Variants in ZNF331 observed in about 807,000 individuals in gnomAD.
The protein encoded by ZNF331 is zinc finger protein 331.
A neutral mutation model predicts 7.0 loss-of-function variants in ZNF331; 2 were observed. The ratio of observed to expected loss-of-function variants is 0.29; its 90% CI spans 0.12 to 0.90. ZNF331 has a LOEUF of 0.90. Among genes scored for constraint, ZNF331 ranks in the 40% least tolerant of loss-of-function variants. The pLI is 0.58. For synonymous variants in ZNF331, 196 were observed against 205.4 expected, an observed-to-expected ratio of 0.95 and a Z score of 0.39; for missense variants, 432 against 587.7, an observed-to-expected ratio of 0.74 and a Z score of 2.74.
At chr19:53,522,240 C>G (rs1350188058) in intron 1 of ZNF331, among the ~76,000 whole-genome samples, 1 of 148,344 alleles carries the variant, frequency 6.7e-6, no homozygotes, top group Non-Finnish European at 1.5e-5. Context: ...ACAAGTGTGC[C>G]CTATTTTCTT....
At chr19:53,549,377 G>C (rs970177336) in intron 2 of ZNF331, among the ~76,000 whole-genome samples, 1 of 152,092 alleles carries the variant, frequency 6.6e-6, no homozygotes, top group African/African-American at 2.4e-5. Context: ...AAAGAAAGAC[G>C]GTTTACTGTA....
chr19:53,541,141 C>T (rs1458332588), intron 2 of ZNF331, among the ~76,000 whole-genome samples: 1 of 146,844 alleles, frequency 6.8e-6, no homozygotes, highest in Non-Finnish European at 1.5e-5. Flanking sequence ...GAGTTTCGCT[C>T]TTGTTGCCCA....
At chr19:53,540,799 T>C (rs11669946) in intron 2 of ZNF331, among the ~76,000 whole-genome samples, 121,538 of 151,666 alleles carry the variant, frequency 0.8, 49,286 homozygotes, top group African/African-American at 0.89. Context: ...ATGCCTTGGT[T>C]TGTGACCCCT....
rs748695336 is a variant in ZNF331 at position 53,577,259 on chromosome 19, C to T, written c.699C>T (p.His233=). 6.2e-7 allele frequency: 1 copy of T among 1,613,354 alleles called. No homozygotes were observed. The highest frequency in any genetic ancestry group is 2.2e-5 in the East Asian group (1 of 44,814). ...GGCGTGGTGATGAGCTCACTCAGCA[C>T]CAGAGATTCCACACTGGGGAGAAAG... ...AFRRGDELTQ[H]QRFHTGEKDY... is the part of the protein sequence containing the mutation. Residue 233 remains histidine (H), a synonymous_variant, in exon 6 of 6, where the codon CAC becomes CAT. Transcript: ENST00000449416.
intron 2 of ZNF331, among the ~76,000 whole-genome samples, chr19:53,551,079 C>T (rs962287607): frequency 6.6e-6 from 1 of 152,016 alleles, no homozygotes; most frequent in African/African-American, 2.4e-5. Flanking sequence ...GATCCACCCA[C>T]CTTGGCCTCC....
intron 3 of ZNF331, among the ~76,000 whole-genome samples, chr19:53,566,381 C>T (rs2090156822): frequency 6.6e-6 from 1 of 152,006 alleles, no homozygotes; most frequent in Admixed American, 6.6e-5. Flanking sequence ...CAACCTCTGC[C>T]CCCTGGGTGC....
chr19:53,569,007 C>T (rs2090308597), intron 3 of ZNF331, among the ~76,000 whole-genome samples: 1 of 152,090 alleles, frequency 6.6e-6, no homozygotes, highest in Non-Finnish European at 1.5e-5. Flanking sequence ...CAGGCACGTG[C>T]CACCACATCC....
upstream of ZNF331, among the ~76,000 whole-genome samples, chr19:53,514,801 C>T (rs1335233554): frequency 6.6e-6 from 1 of 152,042 alleles, no homozygotes; most frequent in African/African-American, 2.4e-5. Context: ...CAGAAGCCCG[C>T]CACCACGCCC....
upstream of ZNF331, chr19:53,520,911 G>T (rs2087046718): frequency 6.6e-6 from 1 of 152,036 alleles, no homozygotes; most frequent in Non-Finnish European, 1.5e-5. Context: ...GAGGCCTCTG[G>T]GTCACGGCTC....
intron 3 of ZNF331, among the ~76,000 whole-genome samples, chr19:53,557,364 C>G (rs1413882083): frequency 6.6e-6 from 1 of 152,166 alleles, no homozygotes; most frequent in Non-Finnish European, 1.5e-5. Context: ...AGGCGACCAC[C>G]CTCGTGCCAT....
intron 2 of ZNF331, among the ~76,000 whole-genome samples, chr19:53,542,832 A>G (rs1347068137): frequency 6.6e-6 from 1 of 152,242 alleles, no homozygotes. Context: ...TTCTTGAGAC[A>G]GAGTTTCGCT....
At position 53,576,708 on chromosome 19, in the gene ZNF331, G is replaced by C. The variant is rs754853112; in HGVS notation, c.148G>C (p.Ala50Pro). The change falls in exon 6 of 6, where the codon GCA becomes CCA. Residue 50 changes from alanine (A) to proline (P), a missense_variant. Coordinates refer to ENST00000449416, the MANE Select transcript of ZNF331 (RefSeq NM_001079906.2). The part of the protein sequence containing the change: ...SNLVSLDLES[A>P]YENKSLPTEK... ...TTCTTTTTTCCCAGATTTGGAGTCA[G>C]CATATGAAAATAAGAGTTTACCTAC... 8.7e-6 allele frequency: 14 copies of C among 1,605,810 alleles called. No homozygotes were observed. Among genetic ancestry groups the C allele is most frequent in the Non-Finnish European group, 1.1e-5 (13 of 1,176,546 alleles).
rs572729592 is a variant in ZNF331 at position 53,529,416 on chromosome 19, AATT to A, written c.-205+6736_-205+6738del. Among the ~76,000 whole-genome samples, 130 of 151,804 alleles carry A rather than the reference AATT, an allele frequency of 8.6e-4. 1 individual carries two copies. In the South Asian group the frequency reaches 0.015, roughly 17 times the overall value. On this transcript the variant is annotated intron_variant, in intron 2 of 6. Transcript: ENST00000253144. Reference sequence around the variant, plus strand: ...CTCTGTCTTTTAAAAAAAAAAAAAAAATTATTCTCTGGAGAAGTGGAATAATAT... The same window carrying A: ...CTCTGTCTTTTAAAAAAAAAAAAAAAATTCTCTGGAGAAGTGGAATAATAT...
In ZNF331 at chr19:53,569,389, A is replaced by C; in HGVS notation, c.9+4A>C. 1 of 1,613,822 alleles carries C rather than the reference A, an allele frequency of 6.2e-7. No individual in the cohort carries two copies. Among genetic ancestry groups the C allele is most frequent in the Non-Finnish European group, 8.5e-7 (1 of 1,179,894 alleles). On this transcript the variant is annotated splice_donor_region_variant and intron_variant, in intron 4 of 5. Transcript: ENST00000449416. The stretch of plus-strand genomic sequence containing the variant: ...CAGTTCTAAAACAATGGCCCAGGTA[A>C]GTGTATATTTCTCTTTCCTTCTTGA...
intron 2 of ZNF331, among the ~76,000 whole-genome samples, chr19:53,551,306 T>G (rs1034017956): frequency 6.6e-6 from 1 of 152,180 alleles, no homozygotes; most frequent in Non-Finnish European, 1.5e-5. Context: ...TATATATGTT[T>G]ATAGTCCTCC....
At chr19:53,546,149 A>AAAAAAAAAAAAAAAAAAC (rs2088596393) in intron 2 of ZNF331, among the ~76,000 whole-genome samples, 1 of 115,892 alleles carries the variant, frequency 8.6e-6, no homozygotes, top group Non-Finnish European at 1.7e-5. Context: ...GGAAAAAAAA[A>AAAAAAAAAAAAAAAAAAC]AAAAAAAAAA....
intron 2 of ZNF331, among the ~76,000 whole-genome samples, chr19:53,545,779 G>A (rs1209465184): frequency 6.6e-6 from 1 of 152,168 alleles, no homozygotes; most frequent in Non-Finnish European, 1.5e-5. Context: ...AACACAAAGG[G>A]CACAGCCATT....
At chr19:53,572,614 T>C (rs751747918) in intron 5 of ZNF331, among the ~76,000 whole-genome samples, 52,174 of 145,986 alleles carry the variant, frequency 0.36, 10,124 homozygotes, top group African/African-American at 0.47. Flanking sequence ...ATATATATTA[T>C]ATATACACAT....
intron 2 of ZNF331, among the ~76,000 whole-genome samples, chr19:53,543,445 G>C (rs1332662597): frequency 6.6e-6 from 1 of 151,784 alleles, no homozygotes; most frequent in Non-Finnish European, 1.5e-5. Context: ...TGTATCTTTA[G>C]TAGAGACGGG....
Sources: allele counts gnomAD v4.1 joint callset (sites outside exome capture counted in the v4.1 genomes callset), GRCh38; gene constraint gnomAD v4.1.1; transcripts MANE v1.5; gene names NCBI Gene and HGNC (gene_info 2026-07-23, HGNC 2026-07-21).